DDHD1: variants seen among roughly 807,000 people sequenced by gnomAD.
DDHD1 encodes phospholipase DDHD1.
A neutral mutation model predicts 96.4 loss-of-function variants in DDHD1; 49 were observed. The observed-to-expected ratio is 0.51, with a 90% CI of 0.40 to 0.64. The LOEUF (loss-of-function observed/expected upper bound fraction) is 0.64, where lower values mean the gene tolerates loss of function less well. DDHD1 is among the 30% of genes least tolerant of loss of function. DDHD1 has a pLI of 0.00. For synonymous variants in DDHD1, 442 were observed against 446.5 expected, an observed-to-expected ratio of 0.99 and a Z score of 0.13; for missense variants, 1,106 against 1,161.2, an observed-to-expected ratio of 0.95 and a Z score of 0.69.
At chr14:53,139,089 AACC>A (rs1387382486) in intron 1 of DDHD1, among the ~76,000 whole-genome samples, 1 of 91,684 alleles carries the variant, frequency 1.1e-5, no homozygotes, top group East Asian at 6.1e-4. Flanking sequence ...AAAAAAAAAA[AACC>A]ACACCCACAC....
rs753222423 is a variant in DDHD1 at position 53,152,468 on chromosome 14, C to T, written c.631G>A (p.Asp211Asn). The T allele has an allele frequency of 1.2e-6, 2 of 1,612,958 alleles. No individual in the cohort carries two copies. Among genetic ancestry groups the T allele is most frequent in the African/African-American group, 1.3e-5 (1 of 74,930 alleles). ...TGARPQGGDR[D>N]GDHVCSPTGP... ...GTGGGGGAGCACACATGGTCGCCGT[C>T]CCGGTCCCCGCCCTGGGGCCGGGCA... Residue 211 changes from aspartate (D) to asparagine (N), a missense_variant, in exon 1 of 13, where the codon GAC becomes AAC. Asp to Asn is a conservative substitution (Grantham distance 23, BLOSUM62 1). This residue lies in a region of DDHD1 where 456 missense variants were observed against 402.4 expected (regional missense o/e 1.13). Coordinates refer to ENST00000673822, the MANE Select transcript of DDHD1 (RefSeq NM_001160148.2).
At chr14:53,141,253 G>T (rs1890622380) in intron 1 of DDHD1, among the ~76,000 whole-genome samples, 2 of 152,188 alleles carry the variant, frequency 1.3e-5, no homozygotes. Context: ...CAATTTGCCA[G>T]AAGAAGGTTA....
intron 1 of DDHD1, among the ~76,000 whole-genome samples, chr14:53,136,396 C>A (rs897846959): frequency 6.6e-6 from 1 of 152,148 alleles, no homozygotes; most frequent in Admixed American, 6.5e-5. Context: ...GCCTAGCACT[C>A]TAATTGAGTT....
At chr14:53,120,933 C>CA (rs1888933588) in intron 1 of DDHD1, among the ~76,000 whole-genome samples, 1 of 152,078 alleles carries the variant, frequency 6.6e-6, no homozygotes, top group African/African-American at 2.4e-5. Context: ...TGCAAAAAGT[C>CA]AAAATTGACA....
intron 1 of DDHD1, among the ~76,000 whole-genome samples, chr14:53,132,301 C>CATA (rs1889924382): frequency 6.6e-6 from 1 of 152,110 alleles, no homozygotes; most frequent in Non-Finnish European, 1.5e-5. Context: ...CAGGCTGGCC[C>CATA]CCACGTTATT....
chr14:53,149,333 T>C (rs1891195965), intron 1 of DDHD1, among the ~76,000 whole-genome samples: 2 of 152,230 alleles, frequency 1.3e-5, no homozygotes, highest in South Asian at 4.1e-4. Flanking sequence ...AGGAACTTAC[T>C]GGACATTTTT....
intron 2 of DDHD1, chr14:53,103,464 TATC>T: frequency 2.2e-6 from 1 of 448,342 alleles, no homozygotes; most frequent in Non-Finnish European, 3.9e-6. Flanking sequence ...ACTGTGTTAA[TATC>T]ATGACACTTA....
chr14:53,136,765 C>T (rs553275507), intron 1 of DDHD1, among the ~76,000 whole-genome samples: 1 of 152,218 alleles, frequency 6.6e-6, no homozygotes, highest in Non-Finnish European at 1.5e-5. Flanking sequence ...GCTGCTGTGA[C>T]TACCCTAACA....
chr14:53,090,334 G>C (rs1886327545), intron 4 of DDHD1, among the ~76,000 whole-genome samples: 1 of 152,164 alleles, frequency 6.6e-6, no homozygotes, highest in Admixed American at 6.5e-5. Context: ...CAGGGATCTA[G>C]AACTAGAAAT....
intron 2 of DDHD1, chr14:53,103,387 T>C: frequency 2.8e-6 from 1 of 357,566 alleles, no homozygotes; most frequent in Non-Finnish European, 4.9e-6. Context: ...TTTCCTTTGA[T>C]AACTAAAAAA....
chr14:53,049,657 C>CAA (rs11323291), intron 12 of DDHD1, among the ~76,000 whole-genome samples: 5,861 of 84,606 alleles, frequency 0.069, 521 homozygotes, highest in African/African-American at 0.2. Context: ...TGAGCTAGGT[C>CAA]AAAAAAAAAA....
At chr14:53,071,757 G>A (rs995166339) in intron 6 of DDHD1, among the ~76,000 whole-genome samples, 2 of 152,086 alleles carry the variant, frequency 1.3e-5, no homozygotes, top group South Asian at 4.1e-4. Flanking sequence ...GTTTGGCATA[G>A]AGTAGGGCTC....
intron 2 of DDHD1, chr14:53,102,967 G>T: frequency 1.4e-6 from 2 of 1,480,244 alleles, no homozygotes; most frequent in Middle Eastern, 1.8e-4. Context: ...ATGAAGAAAC[G>T]GTTTTAGAAG....
intron 1 of DDHD1, among the ~76,000 whole-genome samples, chr14:53,105,924 A>AT (rs1887654808): frequency 6.7e-6 from 1 of 150,018 alleles, no homozygotes; most frequent in Non-Finnish European, 1.5e-5. Flanking sequence ...GAAAATTTTA[A>AT]TTTTTTGTTC....
intron 1 of DDHD1, among the ~76,000 whole-genome samples, chr14:53,113,390 CAAAAA>C (rs60704615): frequency 1.7e-5 from 2 of 118,268 alleles, no homozygotes; most frequent in African/African-American, 7.8e-5. Context: ...CTGTACAAGC[CAAAAA>C]AAAAAAAAAA....
At chr14:53,059,863 C>CAAAAAA (rs60708379) in intron 8 of DDHD1, among the ~76,000 whole-genome samples, 2 of 18,510 alleles carry the variant, frequency 1.1e-4, no homozygotes, top group African/African-American at 1.5e-4. Context: ...GACTCTGTCT[C>CAAAAAA]AAAAAAAAAA....
chr14:53,075,117 G>A (rs1241250549), intron 4 of DDHD1, among the ~76,000 whole-genome samples: 1 of 152,044 alleles, frequency 6.6e-6, no homozygotes, highest in Non-Finnish European at 1.5e-5. Flanking sequence ...CTGGCCTCTA[G>A]GTGATCAAGT....
chr14:53,117,946 G>A (rs541361082), intron 1 of DDHD1, among the ~76,000 whole-genome samples: 15 of 152,276 alleles, frequency 9.9e-5, no homozygotes, highest in East Asian at 9.7e-4. Context: ...CCTCTGGGAC[G>A]AAGCTTCCAG....
At chr14:53,085,173 T>C (rs1427194923) in intron 4 of DDHD1, among the ~76,000 whole-genome samples, 1 of 152,206 alleles carries the variant, frequency 6.6e-6, no homozygotes, top group Non-Finnish European at 1.5e-5. Context: ...CACGCCTCTG[T>C]AGACTCCACC....
Sources: allele counts gnomAD v4.1 joint callset (sites outside exome capture counted in the v4.1 genomes callset), GRCh38; gene constraint gnomAD v4.1.1; regional missense constraint gnomAD v4.1.1; transcripts MANE v1.5; gene names NCBI Gene and HGNC (gene_info 2026-07-23, HGNC 2026-07-21).